Variants in HOMER1 observed in about 807,000 individuals in gnomAD.
HOMER1 encodes the protein homer protein homolog 1.
Under a neutral mutation model 48.9 loss-of-function variants are expected in HOMER1, and 3 were observed. That is an observed-to-expected ratio of 0.06 (90% confidence interval 0.03 to 0.16). The LOEUF is 0.16. Ranked by LOEUF, HOMER1 falls within the 10% of genes least tolerant of loss-of-function variation. The probability of loss-of-function intolerance (pLI) is 1.00; values close to 1 mark genes in which losing one functional copy is unlikely to be tolerated. For synonymous variants in HOMER1, 134 were observed against 146.4 expected (o/e 0.92, Z 0.61); for missense variants, 247 against 411.4 (o/e 0.60, Z 3.46).
At chr5:79,506,595 C>T (rs886498848) in intron 1 of HOMER1, among the ~76,000 whole-genome samples, 5 of 152,146 alleles carry the variant, frequency 3.3e-5, no homozygotes, top group African/African-American at 1.2e-4. Context: ...GGCGTGATGG[C>T]TCACAGCAAG....
rs1285457276 is a variant in HOMER1 at position 79,376,086 on chromosome 5, A to G, written c.988T>C (p.Leu330=). 1 of 1,613,706 alleles carries G rather than the reference A, an allele frequency of 6.2e-7. No individual in the cohort carries two copies. Among genetic ancestry groups the G allele is most frequent in the South Asian group, 1.1e-5 (1 of 91,032 alleles). ...AATATCTTTCCATCCAGAATTTCTAAGAGTGTCTTCAGGTTATTGCGAAAA... is the reference window on the plus strand; with the variant it reads ...AATATCTTTCCATCCAGAATTTCTAGGAGTGTCTTCAGGTTATTGCGAAAA... ...EAFRNNLKTL[L]EILDGKIFEL... The change falls in exon 9 of 9, where the codon TTA becomes CTA. Residue 330 remains leucine, a synonymous_variant. Coordinates refer to ENST00000334082, the MANE Select transcript of HOMER1 (RefSeq NM_004272.5).
intron 1 of HOMER1, among the ~76,000 whole-genome samples, chr5:79,489,098 G>A (rs1367672316): frequency 6.6e-6 from 1 of 152,106 alleles, no homozygotes; most frequent in African/African-American, 2.4e-5. Context: ...TATTCTCAAA[G>A]ACAGTTCATC....
intron 1 of HOMER1, among the ~76,000 whole-genome samples, chr5:79,472,676 G>A (rs768081348): frequency 1.3e-5 from 2 of 151,956 alleles, no homozygotes; most frequent in Admixed American, 6.6e-5. Context: ...CTACTCAGGA[G>A]ACCGAGGCAG....
intron 1 of HOMER1, among the ~76,000 whole-genome samples, chr5:79,479,773 A>C (rs909716770): frequency 6.6e-6 from 1 of 152,154 alleles, no homozygotes; most frequent in Non-Finnish European, 1.5e-5. Context: ...TCCAGTTAAA[A>C]TCTATCAACT....
chr5:79,496,272 G>A (rs1752417797), intron 1 of HOMER1, among the ~76,000 whole-genome samples: 1 of 152,126 alleles, frequency 6.6e-6, no homozygotes, highest in Non-Finnish European at 1.5e-5. Context: ...CCTTCCCACA[G>A]TCAATCAACT....
At position 79,465,163 on chromosome 5, in the gene HOMER1, C is replaced by T. The variant is rs187138351; in HGVS notation, c.6-8145G>A. On this transcript the variant is annotated intron_variant, in intron 1 of 8. Coordinates refer to ENST00000334082, the MANE Select transcript of HOMER1 (RefSeq NM_004272.5). ...ACCAGGTTGGCCAACAGCAAGACCTCGCCTCCATAAAAAATTTAAAAATTA... is the reference window on the plus strand; with the variant it reads ...ACCAGGTTGGCCAACAGCAAGACCTTGCCTCCATAAAAAATTTAAAAATTA... Among the ~76,000 whole-genome samples, 6 of 151,988 alleles carry T rather than the reference C, an allele frequency of 3.9e-5. No individual in the cohort carries two copies. The East Asian group carries it at 9.7e-4, about 25-fold the overall frequency.
At chr5:79,391,864 A>G (rs1229289892) in intron 8 of HOMER1, among the ~76,000 whole-genome samples, 1 of 152,204 alleles carries the variant, frequency 6.6e-6, no homozygotes, top group African/African-American at 2.4e-5. Flanking sequence ...AAGACTTCCC[A>G]TTGAATACAG....
chr5:79,463,149 T>C (rs950066682), intron 1 of HOMER1, among the ~76,000 whole-genome samples: 4 of 152,210 alleles, frequency 2.6e-5, no homozygotes, highest in South Asian at 2.1e-4. Flanking sequence ...CTACCAACTG[T>C]TCTTCCTTGC....
intron 8 of HOMER1, among the ~76,000 whole-genome samples, chr5:79,392,438 A>G (rs1268294805): frequency 6.6e-6 from 1 of 152,224 alleles, no homozygotes; most frequent in Non-Finnish European, 1.5e-5. Flanking sequence ...AGAAGTTTAA[A>G]AAGTTTTAAA....
chr5:79,398,275 C>T (rs1749441346), intron 6 of HOMER1, among the ~76,000 whole-genome samples: 5 of 151,050 alleles, frequency 3.3e-5, no homozygotes, highest in Non-Finnish European at 5.9e-5. Context: ...CCATCTAAAA[C>T]TAGAATCAGC....
At chr5:79,426,953 TA>T (rs1165899645) in intron 5 of HOMER1, among the ~76,000 whole-genome samples, 10 of 151,546 alleles carry the variant, frequency 6.6e-5, no homozygotes, top group African/African-American at 1.5e-4. Flanking sequence ...AAATAAAAAT[TA>T]AAAAAAAATT....
chr5:79,474,081 G>A (rs1249749406), intron 1 of HOMER1, among the ~76,000 whole-genome samples: 1 of 152,008 alleles, frequency 6.6e-6, no homozygotes, highest in Non-Finnish European at 1.5e-5. Flanking sequence ...TCCCAGGCTG[G>A]AGTGCAGTAG....
At position 79,376,144 on chromosome 5, in the gene HOMER1, T is replaced by C. The variant is rs1253496878; in HGVS notation, c.930A>G (p.Gln310=). The C allele has an allele frequency of 6.2e-7, 1 of 1,613,792 alleles. No homozygotes were observed. The highest frequency in any genetic ancestry group is 1.3e-5 in the African/African-American group (1 of 74,922). The part of the protein sequence containing the change: ...DLEGQLSDLE[Q]RLEKSQNEQE... Reference sequence around the variant, plus strand: ...GTTCATTCTGACTTTTCTCCAGACGTTGCTCTAAGTCAGACAGTTGTCCCT... The same window carrying C: ...GTTCATTCTGACTTTTCTCCAGACGCTGCTCTAAGTCAGACAGTTGTCCCT... Residue 310 remains glutamine (Q), a synonymous_variant, in exon 9 of 9, where the codon CAA becomes CAG. Transcript: ENST00000334082.
rs60283882 is a variant in HOMER1, at chr5:79,387,480, T to C, written c.876+9343A>G. ...AATCTAAATAAAAGCTGTAGAAAAA[T>C]TGACATCTGATATACTTCTTAAGCT... On this transcript the variant is annotated intron_variant, in intron 8 of 8. Coordinates refer to ENST00000334082, the MANE Select transcript of HOMER1 (RefSeq NM_004272.5). 9.4e-3 allele frequency among the ~76,000 whole-genome samples: 1,424 copies of C among 152,200 alleles called. 28 individuals carry two copies. The highest frequency in any genetic ancestry group is 0.033 in the African/African-American group (1,359 of 41,518).
intron 5 of HOMER1, among the ~76,000 whole-genome samples, chr5:79,402,492 C>T (rs1410806964): frequency 6.6e-6 from 1 of 152,058 alleles, no homozygotes; most frequent in African/African-American, 2.4e-5. Flanking sequence ...CAAAGACAAC[C>T]TCAAAATACT....
intron 8 of HOMER1, among the ~76,000 whole-genome samples, chr5:79,384,644 T>C (rs1386589706): frequency 3.9e-5 from 6 of 152,114 alleles, no homozygotes; most frequent in African/African-American, 1.2e-4. Flanking sequence ...TAACTTATTC[T>C]ATGAGGCCAG....
Position 79,435,970 on chromosome 5 carries a change from C to CA in HOMER1, c.527+3039dup, listed in dbSNP as rs1465605908. Among the ~76,000 whole-genome samples the CA allele has an allele frequency of 2.0e-5, 3 of 147,128 alleles. No individual in the cohort carries two copies. The East Asian group carries it at 6.0e-4, about 30-fold the overall frequency. On this transcript the variant is annotated intron_variant, in intron 5 of 8. Transcript: ENST00000334082. ...TGAAACCCCGTCTCTACTAAAAATA[C>CA]AAAAAATTAGCCGGGCGCGGTGGCG... is the stretch of plus-strand genomic sequence containing the variant.
In HOMER1 at chr5:79,470,846, A is replaced by G. The variant is rs559651690; in HGVS notation, c.6-13828T>C. On this transcript the variant is annotated intron_variant, in intron 1 of 8. Coordinates refer to ENST00000334082, the MANE Select transcript of HOMER1 (RefSeq NM_004272.5). ...ACAAAGTTGTAGCATATCCAGTGAC[A>G]TAAAATGTCCTATATAATAAAGAAA... Among the ~76,000 whole-genome samples the G allele has an allele frequency of 3.3e-5, 5 of 152,346 alleles. No homozygotes were observed. The East Asian group carries it at 7.7e-4, about 24-fold the overall frequency.
chr5:79,498,396 C>CA (rs932319076), intron 1 of HOMER1, among the ~76,000 whole-genome samples: 18 of 151,716 alleles, frequency 1.2e-4, no homozygotes, highest in East Asian at 7.7e-4. Context: ...AACTATGTCT[C>CA]AAAAAAAAGA....
Sources: gnomAD v4.1 joint callset for allele counts (sites outside exome capture counted in the v4.1 genomes callset) on GRCh38, gnomAD v4.1.1 for gene constraint, MANE v1.5 for transcripts, NCBI Gene and HGNC (gene_info 2026-07-23, HGNC 2026-07-21) for gene names.